ANKRD28: variants seen among roughly 807,000 people sequenced by gnomAD.
ANKRD28 encodes the protein ankyrin repeat domain 28, also known as serine/threonine-protein phosphatase 6 regulatory ankyrin repeat subunit A.
Under a neutral mutation model 126.5 loss-of-function variants are expected in ANKRD28, and 44 were observed. The ratio of observed to expected loss-of-function variants is 0.35; its 90% CI spans 0.27 to 0.45. The LOEUF (loss-of-function observed/expected upper bound fraction) is 0.45, where lower values mean the gene tolerates loss of function less well. ANKRD28 is among the 20% of genes least tolerant of loss of function. ANKRD28 has a pLI of 1.00. For synonymous variants in ANKRD28, 442 were observed against 468.5 expected (o/e 0.94, Z 0.73); for missense variants, 1,110 against 1,316.6 (o/e 0.84, Z 2.43).
intron 3 of ANKRD28, among the ~76,000 whole-genome samples, chr3:15,752,423 G>GT (rs2057914724): frequency 6.6e-6 from 1 of 152,096 alleles, no homozygotes; most frequent in East Asian, 1.9e-4. Flanking sequence ...ATTTTGTACA[G>GT]TTGTTTAAAA....
chr3:15,794,743 A>C (rs1208953292), intron 2 of ANKRD28, among the ~76,000 whole-genome samples: 1 of 152,194 alleles, frequency 6.6e-6, no homozygotes, highest in Non-Finnish European at 1.5e-5. Context: ...GCACCATTGT[A>C]AAACACTCAC....
Position 15,720,945 on chromosome 3 carries a change from T to C in ANKRD28, c.966A>G (p.Leu322=), listed in dbSNP as rs777641762. 1.2e-5 allele frequency: 19 copies of C among 1,613,790 alleles called. No individual in the cohort carries two copies. Among genetic ancestry groups the C allele is most frequent in the East Asian group, 8.9e-5 (4 of 44,864 alleles). ...TATTGACATCGGCCCCATTGCCAAC[T>C]AGAAGCTCTAAACACAATGCTCCAT... is the stretch of plus-strand genomic sequence containing the variant. ...STHGALCLEL[L]VGNGADVNMK... The change falls in exon 8 of 28, where the codon CTA becomes CTG. Residue 322 remains leucine, a synonymous_variant. Coordinates refer to ENST00000683139, the MANE Select transcript of ANKRD28 (RefSeq NM_001349278.2).
At chr3:15,802,650 A>G (rs1024614176), upstream of ANKRD28, among the ~76,000 whole-genome samples, 1 of 152,212 alleles carries the variant, frequency 6.6e-6, no homozygotes, top group African/African-American at 2.4e-5. Flanking sequence ...AAAATAATTC[A>G]TATTTTCCTG....
chr3:15,693,319 T>C (rs78064479), intron 17 of ANKRD28, among the ~76,000 whole-genome samples: 59 of 150,290 alleles, frequency 3.9e-4, no homozygotes, highest in Non-Finnish European at 7.4e-4. Context: ...AAAATAGTAA[T>C]GGGGGGGCAG....
intron 21 of ANKRD28, chr3:15,684,429 T>C (rs2067876379): frequency 6.6e-6 from 1 of 152,196 alleles, no homozygotes; most frequent in Non-Finnish European, 1.5e-5. Context: ...CTGCTAGGGA[T>C]TTATTCCTTT....
Position 15,720,982 on chromosome 3 carries a change from G to A in ANKRD28, c.929C>T (p.Ala310Val). 6.2e-7 allele frequency: 1 copy of A among 1,613,872 alleles called. No homozygotes were observed. The change falls in exon 8 of 28, where the codon GCT (alanine) becomes GTT (valine). Residue 310 changes from alanine to valine, a missense_variant. Coordinates refer to ENST00000683139, the MANE Select transcript of ANKRD28 (RefSeq NM_001349278.2). Reference sequence around the variant, plus strand: ...ACACAATGCTCCATGTGTTGATGCAGCAGCAAAGTGCAAAGGAGTAAATCC... The same window carrying A: ...ACACAATGCTCCATGTGTTGATGCAACAGCAAAGTGCAAAGGAGTAAATCC... ...EKGFTPLHFA[A>V]ASTHGALCLE...
intron 6 of ANKRD28, among the ~76,000 whole-genome samples, chr3:15,731,638 G>T (rs1355501410): frequency 1.3e-5 from 2 of 151,956 alleles, no homozygotes; most frequent in Admixed American, 6.6e-5. Flanking sequence ...AGGGACATTT[G>T]CAGAAGTTCA....
At position 15,727,741 on chromosome 3, in the gene ANKRD28, C is replaced by G. The variant is rs558370856; in HGVS notation, c.641-3217G>C. On this transcript the variant is annotated intron_variant, in intron 6 of 27. Coordinates refer to ENST00000683139, the MANE Select transcript of ANKRD28 (RefSeq NM_001349278.2). ...ATAACTACAGATGTGGTAGAAATAGCAAGAGAACTAGAATAAGAAGTGGAG... is the reference window on the plus strand; with the variant it reads ...ATAACTACAGATGTGGTAGAAATAGGAAGAGAACTAGAATAAGAAGTGGAG... 3.3e-5 allele frequency among the ~76,000 whole-genome samples: 5 copies of G among 152,046 alleles called. No individual in the cohort carries two copies. In the South Asian group the frequency reaches 6.2e-4, roughly 19 times the overall value.
intron 2 of ANKRD28, among the ~76,000 whole-genome samples, chr3:15,771,569 G>T (rs2059010952): frequency 6.6e-6 from 1 of 152,106 alleles, no homozygotes; most frequent in Admixed American, 6.5e-5. Flanking sequence ...TAAACAACCA[G>T]CTGTTGCATG....
intron 6 of ANKRD28, among the ~76,000 whole-genome samples, chr3:15,727,471 G>T (rs1323635119): frequency 6.8e-6 from 1 of 147,854 alleles, no homozygotes. Context: ...GGAGGCTGAG[G>T]CAGGAGAATC....
chr3:15,751,669 C>T (rs777612177), intron 4 of ANKRD28, 81 bp downstream of exon 4: 1 of 945,690 alleles, frequency 1.1e-6, no homozygotes, highest in Non-Finnish European at 1.6e-6. Flanking sequence ...CTTTTGAAAA[C>T]ATAGAATTTG....
intron 1 of ANKRD28, among the ~76,000 whole-genome samples, chr3:15,808,365 A>G (rs923333219): frequency 1.3e-5 from 2 of 152,182 alleles, no homozygotes; most frequent in African/African-American, 4.8e-5. Flanking sequence ...GCAATGCTTT[A>G]AGGTAAGTTG....
At chr3:15,682,071 G>A (rs1024556601) in intron 21 of ANKRD28, among the ~76,000 whole-genome samples, 1 of 151,932 alleles carries the variant, frequency 6.6e-6, no homozygotes, top group African/African-American at 2.4e-5. Context: ...AGGGAACCCT[G>A]GGGTGACGCA....
chr3:15,688,033 T>C (rs2068343476), intron 18 of ANKRD28, among the ~76,000 whole-genome samples: 1 of 152,222 alleles, frequency 6.6e-6, no homozygotes, highest in Non-Finnish European at 1.5e-5. Context: ...CTTGCATTTA[T>C]TGAATAGATA....
intron 6 of ANKRD28, among the ~76,000 whole-genome samples, chr3:15,729,028 G>A (rs2074387535): frequency 6.6e-6 from 1 of 152,176 alleles, no homozygotes; most frequent in Non-Finnish European, 1.5e-5. Flanking sequence ...AATGTGGCTG[G>A]TCACTGTGCC....
At chr3:15,808,020 T>C (rs984028122) in intron 1 of ANKRD28, among the ~76,000 whole-genome samples, 7 of 152,150 alleles carry the variant, frequency 4.6e-5, no homozygotes, top group African/African-American at 1.4e-4. Context: ...TGCAAACTAG[T>C]TTTTAAATCC....
chr3:15,772,812 G>A (rs542460615), intron 2 of ANKRD28, among the ~76,000 whole-genome samples: 2 of 152,066 alleles, frequency 1.3e-5, no homozygotes, highest in East Asian at 1.9e-4. Flanking sequence ...TCAGCCTCCT[G>A]AGTAGCTGAG....
At chr3:15,761,188 C>T (rs963120762) in intron 3 of ANKRD28, among the ~76,000 whole-genome samples, 23 of 152,114 alleles carry the variant, frequency 1.5e-4, no homozygotes, top group Non-Finnish European at 2.4e-4. Flanking sequence ...CAATCTTACA[C>T]GACTTTTATA....
intron 2 of ANKRD28, among the ~76,000 whole-genome samples, chr3:15,784,948 C>G (rs1434689211): frequency 6.6e-6 from 1 of 151,956 alleles, no homozygotes; most frequent in African/African-American, 2.4e-5. Flanking sequence ...TTGCTACTTT[C>G]AAGGAAAGAC....
Sources: gnomAD v4.1 joint callset for allele counts (sites outside exome capture counted in the v4.1 genomes callset) on GRCh38, gnomAD v4.1.1 for gene constraint, MANE v1.5 for transcripts, NCBI Gene and HGNC (gene_info 2026-07-23, HGNC 2026-07-21) for gene names.